The following ZNF836 variants were observed in gnomAD, a reference collection of about 807,000 sequenced individuals.
The protein encoded by ZNF836 is zinc finger protein 836.
In ZNF836, 12 loss-of-function variants were observed where a neutral mutation model predicts 7.4. The ratio of observed to expected loss-of-function variants is 1.61; its 90% confidence interval spans 1.03 to 2.61. The LOEUF (loss-of-function observed/expected upper bound fraction) is 2.61. ZNF836 is among the 30% of genes most tolerant of loss of function. The probability of loss-of-function intolerance (pLI) is 0.00; values close to 1 mark genes in which losing one functional copy is unlikely to be tolerated. For synonymous variants in ZNF836, 365 were observed against 382.6 expected (o/e 0.95, Z 0.54); for missense variants, 998 against 1,126.2 (o/e 0.89, Z 1.63).
chr19:52,160,588 G>C lies in ZNF836; in HGVS notation c.19C>G (p.Pro7Ala). The change falls in exon 4 of 5, where the codon CCT (proline) becomes GCT (alanine). Residue 7 changes from proline (P) to alanine (A), a missense_variant. By Grantham distance (27) the Pro-to-Ala change is conservative (BLOSUM62 -1). Transcript: ENST00000682614. MALTQGPLTFRDVAIEF... is the reference protein window; with the variant it reads MALTQGALTFRDVAIEF... Reference sequence around the variant, plus strand: ...ATGGCTACATCCCTGAATGTCAAAGGTCCCTGAAATGAAAAACACATTTCA... The same window carrying C: ...ATGGCTACATCCCTGAATGTCAAAGCTCCCTGAAATGAAAAACACATTTCA... The C allele has an allele frequency of 1.2e-6, 2 of 1,602,940 alleles. No homozygotes were observed. The highest frequency in any genetic ancestry group is 1.7e-6 in the Non-Finnish European group (2 of 1,177,164).
intron 3 of ZNF836, among the ~76,000 whole-genome samples, chr19:52,166,281 C>T (rs764644928): frequency 5.3e-5 from 8 of 152,058 alleles, no homozygotes; most frequent in South Asian, 4.1e-4. Flanking sequence ...TGAGCCACTG[C>T]GCCTGGCCAA....
intron 3 of ZNF836, 34 bp downstream of exon 3, chr19:52,168,024 G>C (rs1022906694): frequency 1.3e-6 from 2 of 1,500,058 alleles, no homozygotes; most frequent in Middle Eastern, 1.7e-4. Flanking sequence ...AAAAAGGAAG[G>C]AGACAGAATG....
chr19:52,155,193 C>T lies in ZNF836; in HGVS notation c.2490G>A (p.Gly830=), dbSNP rs2089140571. Residue 830 remains glycine, a synonymous_variant, in exon 5 of 5, where the codon GGG becomes GGA. Coordinates refer to ENST00000682614, the MANE Select transcript of ZNF836 (RefSeq NM_001102657.3). ...ATTCATTACATTTGTAAGGTTTGTC[C>T]CCAGTATGCATTTTCTGATGATTAA... ...ILVNHQKMHT[G]DKPYKCNECG... 5 of 1,613,776 alleles carry T rather than the reference C, an allele frequency of 3.1e-6. No homozygotes were observed. The highest frequency in any genetic ancestry group is 1.7e-5 in the Admixed American group (1 of 59,984).
intron 4 of ZNF836, among the ~76,000 whole-genome samples, chr19:52,158,139 A>G (rs1266541204): frequency 6.6e-6 from 1 of 152,198 alleles, no homozygotes; most frequent in Non-Finnish European, 1.5e-5. Context: ...GTGCAAACAT[A>G]TATTAGCACT....
chr19:52,157,579 T>C, intron 4 of ZNF836, 39 bp from the exon 5 acceptor site: 2 of 1,426,006 alleles, frequency 1.4e-6, no homozygotes, highest in Non-Finnish European at 1.8e-6. Context: ...TTTCGTTGGT[T>C]TTTTTTTTTG....
In ZNF836 at chr19:52,157,329, G is replaced by C; in HGVS notation, c.354C>G (p.Asn118Lys). The C allele has an allele frequency of 1.0e-5, 16 of 1,604,976 alleles. No individual in the cohort carries two copies. Among genetic ancestry groups the C allele is most frequent in the Non-Finnish European group, 1.4e-5 (16 of 1,176,956 alleles). Reference protein sequence around the residue: ...NYKEVPMTYKNNLNGKRGQHS... With the variant: ...NYKEVPMTYKKNLNGKRGQHS... ...GTTGACCTCTTTTACCATTAAGATT[G>C]TTTTTATAGGTCATTGGCACTTCTT... is the stretch of plus-strand genomic sequence containing the variant. The change falls in exon 5 of 5, where the codon AAC (asparagine) becomes AAG (lysine). Residue 118 changes from asparagine (N) to lysine (K), a missense_variant. By Grantham distance (94) the Asn-to-Lys change is moderately conservative (BLOSUM62 0). Coordinates refer to ENST00000682614, the MANE Select transcript of ZNF836 (RefSeq NM_001102657.3).
intron 3 of ZNF836, among the ~76,000 whole-genome samples, chr19:52,162,899 A>G (rs2089225718): frequency 6.6e-6 from 1 of 152,166 alleles, no homozygotes; most frequent in Non-Finnish European, 1.5e-5. Context: ...CTCCAGTGGA[A>G]TGCTAAGTTG....
intron 3 of ZNF836, among the ~76,000 whole-genome samples, chr19:52,166,432 AG>A (rs1289252833): frequency 6.6e-6 from 1 of 152,206 alleles, no homozygotes; most frequent in Non-Finnish European, 1.5e-5. Flanking sequence ...TAGTAAAAAA[AG>A]TCACTATGGT....
chr19:52,168,073 C>T lies in ZNF836; in HGVS notation c.-1G>A, dbSNP rs1362673791. ...ATCATTTTACCTGTGTAAGAGCCATCCCTGACTCCTTTTCTTTCCTCTTCT... is the reference window on the plus strand; with the variant it reads ...ATCATTTTACCTGTGTAAGAGCCATTCCTGACTCCTTTTCTTTCCTCTTCT... On this transcript the variant is annotated 5_prime_UTR_variant, in exon 3 of 5. Transcript: ENST00000682614. 2.5e-6 allele frequency: 4 copies of T among 1,611,310 alleles called. No homozygotes were observed. The South Asian group carries it at 4.4e-5, about 18-fold the overall frequency.
rs543510879 is a variant in ZNF836 at position 52,164,584 on chromosome 19, C to G, written c.15+3474G>C. Among the ~76,000 whole-genome samples, 9 of 151,792 alleles carry G rather than the reference C, an allele frequency of 5.9e-5. No individual in the cohort carries two copies. The East Asian group carries it at 1.7e-3, about 29-fold the overall frequency. ...GAGTTCAACAGCTGACTTAATCAGA[C>G]AGAAGAAGGAATCAGTGAACTCAAA... is the stretch of plus-strand genomic sequence containing the variant. On this transcript the variant is annotated intron_variant, in intron 3 of 4. Coordinates refer to ENST00000682614, the MANE Select transcript of ZNF836 (RefSeq NM_001102657.3).
chr19:52,160,425 C>A (rs116344808), intron 4 of ZNF836, 40 bp downstream of exon 4: 2 of 1,613,428 alleles, frequency 1.2e-6, no homozygotes, highest in Admixed American at 1.7e-5. Context: ...CAAAAATACA[C>A]GAGGGCAGAT....
chr19:52,163,500 T>C (rs35729903), intron 3 of ZNF836, among the ~76,000 whole-genome samples: 3,031 of 152,192 alleles, frequency 0.02, 56 homozygotes, highest in South Asian at 0.054. Flanking sequence ...ACAGCCCGGG[T>C]GCGGTGGCTC....
intron 3 of ZNF836, among the ~76,000 whole-genome samples, chr19:52,164,499 GAGAAAGAA>G (rs35065900): frequency 1.3e-5 from 2 of 148,178 alleles, no homozygotes; most frequent in African/African-American, 5.0e-5. Flanking sequence ...AAGAAAAAGA[GAGAAAGAA>G]AGAAAGACTA....
chr19:52,170,988 C>T (rs1600146249), intron 1 of ZNF836, among the ~76,000 whole-genome samples: 1 of 152,278 alleles, frequency 6.6e-6, no homozygotes, highest in South Asian at 2.1e-4. Flanking sequence ...GCGAAAGGAC[C>T]CGGCGTGAGG....
At chr19:52,163,773 A>G (rs1189911218) in intron 3 of ZNF836, among the ~76,000 whole-genome samples, 1 of 152,170 alleles carries the variant, frequency 6.6e-6, no homozygotes, top group Non-Finnish European at 1.5e-5. Flanking sequence ...ACGGAAAGAC[A>G]CTAGGTAAGA....
In ZNF836 at chr19:52,156,505, T is replaced by A. The variant is rs2089161835; in HGVS notation, c.1178A>T (p.Lys393Met). 3.7e-6 allele frequency: 6 copies of A among 1,614,208 alleles called. No individual in the cohort carries two copies. Among genetic ancestry groups the A allele is most frequent in the Non-Finnish European group, 5.1e-6 (6 of 1,180,038 alleles). Residue 393 changes from lysine (K) to methionine (M), a missense_variant, in exon 5 of 5, where the codon AAG (lysine) becomes ATG (methionine). Transcript: ENST00000682614. Reference protein sequence around the residue: ...EKPYKCNICGKSFSQSSNLAT... With the variant: ...EKPYKCNICGMSFSQSSNLAT... ...CAGGTTGGAACTTTGACTAAAGGAC[T>A]TTCCACATATGTTGCATTTGTATGG... is the stretch of plus-strand genomic sequence containing the variant.
chr19:52,164,676 G>C (rs149240983), intron 3 of ZNF836, among the ~76,000 whole-genome samples: 2 of 151,776 alleles, frequency 1.3e-5, no homozygotes, highest in Non-Finnish European at 2.9e-5. Flanking sequence ...AGCATGAGGG[G>C]CTCATGGCAA....
chr19:52,157,633 C>A, intron 4 of ZNF836, 93 bp from the exon 5 acceptor site: 1 of 1,233,150 alleles, frequency 8.1e-7, no homozygotes, highest in Non-Finnish European at 1.1e-6. Context: ...TGGAGTGGCA[C>A]AATCTCAGCT....
rs780756605 is a variant in ZNF836, at chr19:52,161,389, T to C, written c.16-798A>G. 4.6e-5 allele frequency among the ~76,000 whole-genome samples: 7 copies of C among 152,200 alleles called. No homozygotes were observed. The highest frequency in any genetic ancestry group is 4.4e-5 in the Non-Finnish European group (3 of 68,036). On this transcript the variant is annotated intron_variant, in intron 3 of 4. Transcript: ENST00000682614. The surrounding 1 kb of genome is among the most constrained non-coding windows in gnomAD (Gnocchi z 4.1). The stretch of plus-strand genomic sequence containing the variant: ...TCAAGGTGCCAGCAGGACTGATGTC[T>C]GGTGAGAGATGATCCTCGCTTCCAA...
Sources: gnomAD v4.1 joint callset for allele counts (sites outside exome capture counted in the v4.1 genomes callset) on GRCh38, gnomAD v4.1.1 for gene constraint, Gnocchi (gnomAD v3.1) non-coding constraint, MANE v1.5 for transcripts, NCBI Gene and HGNC (gene_info 2026-07-23, HGNC 2026-07-21) for gene names.